PCDHA6: variants seen among roughly 807,000 people sequenced by gnomAD.
PCDHA6 encodes the protein protocadherin alpha 6.
In PCDHA6, 55 loss-of-function variants were observed where a neutral mutation model predicts 60.3. The ratio of observed to expected loss-of-function variants is 0.91; its 90% CI spans 0.73 to 1.14. PCDHA6 has a LOEUF of 1.14. Among genes scored for constraint, PCDHA6 ranks in the 50% most tolerant of loss-of-function variants. The pLI is 0.00. For synonymous variants in PCDHA6, 652 were observed against 557.9 expected, an observed-to-expected ratio of 1.17 and a Z score of -2.38; for missense variants, 1,327 against 1,256.5, an observed-to-expected ratio of 1.06 and a Z score of -0.85.
chr5:140,968,896 A>G (rs2096277975), intron 1 of PCDHA6: 1 of 1,614,240 alleles, frequency 6.2e-7, no homozygotes, highest in Non-Finnish European at 8.5e-7. Context: ...ATCTAATAAT[A>G]GCATTAAGCA....
At chr5:140,982,092 G>A (rs984553109) in intron 2 of PCDHA6, among the ~76,000 whole-genome samples, 1 of 152,218 alleles carries the variant, frequency 6.6e-6, no homozygotes, top group African/African-American at 2.4e-5. Context: ...CTAGGAACAA[G>A]AGAACCTGCA....
chr5:140,906,327 A>G (rs1240461628), intron 1 of PCDHA6, among the ~76,000 whole-genome samples: 2 of 152,322 alleles, frequency 1.3e-5, no homozygotes, highest in African/African-American at 4.8e-5. Flanking sequence ...TGATACAACT[A>G]TCCTTCATAC....
intron 1 of PCDHA6, chr5:140,875,665 C>A: frequency 6.2e-7 from 1 of 1,613,748 alleles, no homozygotes; most frequent in Non-Finnish European, 8.5e-7. Flanking sequence ...GCGCCTGTTC[C>A]GGGTGGCGTC....
chr5:140,835,536 G>T, intron 1 of PCDHA6: 9 of 1,613,940 alleles, frequency 5.6e-6, no homozygotes, highest in Non-Finnish European at 7.6e-6. Context: ...CAACGGACAG[G>T]TTACCTGCTC....
At chr5:140,882,137 A>G in intron 1 of PCDHA6, 1 of 1,489,212 alleles carries the variant, frequency 6.7e-7, no homozygotes. Flanking sequence ...CCTGCAGAAA[A>G]TATAGCAGAA....
At chr5:141,000,412 TATA>T (rs2097919742) in intron 3 of PCDHA6, among the ~76,000 whole-genome samples, 3 of 102,806 alleles carry the variant, frequency 2.9e-5, no homozygotes, top group African/African-American at 7.7e-5. Flanking sequence ...TATATATATA[TATA>T]TATATATTTT....
chr5:140,941,199 C>CTCCCT (rs2092799099), intron 1 of PCDHA6, among the ~76,000 whole-genome samples: 1 of 115,882 alleles, frequency 8.6e-6, no homozygotes, highest in South Asian at 2.6e-4. Flanking sequence ...TTTTTTCTTT[C>CTCCCT]TTCCTTTCTT....
chr5:140,830,801 T>G (rs2150103350), intron 1 of PCDHA6: 1 of 158,724 alleles, frequency 6.3e-6, no homozygotes, highest in African/African-American at 2.4e-5. Flanking sequence ...TTATATGGGA[T>G]TTTCATTTGT....
intron 1 of PCDHA6, chr5:140,882,333 C>T (rs1052199425): frequency 3.8e-5 from 61 of 1,614,102 alleles, no homozygotes; most frequent in Non-Finnish European, 5.0e-5. Flanking sequence ...CTGATCCTCG[C>T]AGCCTGGGAG....
intron 1 of PCDHA6, chr5:140,883,049 G>A: frequency 6.2e-7 from 1 of 1,614,182 alleles, no homozygotes; most frequent in South Asian, 1.1e-5. Context: ...TGGAACATTA[G>A]TGATCAAGCT....
At chr5:140,862,926 G>C in intron 1 of PCDHA6, 1 of 546,060 alleles carries the variant, frequency 1.8e-6, no homozygotes, top group South Asian at 1.4e-5. Context: ...GGGTGGGCTG[G>C]CGGCGCTGTG....
intron 1 of PCDHA6, among the ~76,000 whole-genome samples, chr5:140,904,941 G>A (rs782716792): frequency 7.2e-5 from 11 of 152,102 alleles, no homozygotes; most frequent in Admixed American, 3.9e-4. Context: ...CTGGATATTA[G>A]TCCTTTGTCT....
At chr5:141,005,985 T>C (rs2098249971) in intron 3 of PCDHA6, among the ~76,000 whole-genome samples, 1 of 151,848 alleles carries the variant, frequency 6.6e-6, no homozygotes, top group Non-Finnish European at 1.5e-5. Context: ...AAAGAGTGTT[T>C]GAGGATCTGA....
At chr5:140,834,566 G>C in intron 1 of PCDHA6, 1 of 1,614,096 alleles carries the variant, frequency 6.2e-7, no homozygotes, top group Non-Finnish European at 8.5e-7. Flanking sequence ...AGCTGGTGCC[G>C]CGCCTGTTCC....
At chr5:140,876,308 A>T in intron 1 of PCDHA6, 1 of 1,614,070 alleles carries the variant, frequency 6.2e-7, no homozygotes, top group South Asian at 1.1e-5. Context: ...GAAATTTCCT[A>T]TGGGATCAAA....
In PCDHA6 at chr5:140,842,642, T is replaced by G. The variant is rs1554139236; in HGVS notation, c.2394+12157T>G. Reference sequence around the variant, plus strand: ...GCCTTCGCTGTGGGCCACCGCCAGCTTGTCTGTGGAGGTGGCCGACGTGAA... The same window carrying G: ...GCCTTCGCTGTGGGCCACCGCCAGCGTGTCTGTGGAGGTGGCCGACGTGAA... On this transcript the variant is annotated intron_variant, in intron 1 of 3. Transcript: ENST00000529310. 4.4e-6 allele frequency: 7 copies of G among 1,594,996 alleles called. 1 individual carries two copies. The Admixed American group carries it at 5.1e-5, about 12-fold the overall frequency.
intron 1 of PCDHA6, among the ~76,000 whole-genome samples, chr5:140,840,577 G>A (rs185474153): frequency 6.6e-6 from 1 of 151,966 alleles, no homozygotes; most frequent in Non-Finnish European, 1.5e-5. Flanking sequence ...GCATGTCAGA[G>A]AAATCATAAA....
At chr5:140,996,226 G>C (rs2097717630) in intron 3 of PCDHA6, among the ~76,000 whole-genome samples, 1 of 152,196 alleles carries the variant, frequency 6.6e-6, no homozygotes, top group South Asian at 2.1e-4. Context: ...GTCTAGAAAT[G>C]GTTGCTCAAG....
At chr5:140,878,110 AC>A (rs1554170303) in intron 1 of PCDHA6, 1 of 249,146 alleles carries the variant, frequency 4.0e-6, no homozygotes, top group African/African-American at 2.3e-5. Context: ...CTTGAAAAAA[AC>A]AGTATATTAG....
Sources: gnomAD v4.1 joint callset for allele counts (sites outside exome capture counted in the v4.1 genomes callset) on GRCh38, gnomAD v4.1.1 for gene constraint, MANE v1.5 for transcripts, NCBI Gene and HGNC (gene_info 2026-07-23, HGNC 2026-07-21) for gene names.